The following GABRB3 variants were observed in gnomAD, a reference collection of about 807,000 sequenced individuals.
The protein encoded by GABRB3 is gamma-aminobutyric acid type A receptor subunit beta3, also known as gamma-aminobutyric acid receptor subunit beta-3.
GABRB3 carries 14 observed loss-of-function variants against 52.1 expected under a neutral mutation model. The observed-to-expected ratio is 0.27, with a 90% CI of 0.18 to 0.42. The LOEUF is 0.42. Among genes scored for constraint, GABRB3 ranks in the 10% least tolerant of loss-of-function variants. The pLI, the probability that GABRB3 is intolerant of heterozygous loss-of-function variation, is 1.00. For synonymous variants in GABRB3, 260 were observed against 232.3 expected (o/e 1.12, Z -1.08); for missense variants, 307 against 609.1 (o/e 0.50, Z 5.22).
chr15:26,647,297 G>A (rs1334435216), intron 3 of GABRB3, among the ~76,000 whole-genome samples: 2 of 152,218 alleles, frequency 1.3e-5, no homozygotes, highest in African/African-American at 2.4e-5. Context: ...ATTCCTGGCT[G>A]TGAATTGTTT....
rs1555400757 is a variant in GABRB3 at position 26,554,021 on chromosome 15, T to TATATATATA, written c.1081-5888_1081-5887insTATATATAT. 2.5e-4 allele frequency among the ~76,000 whole-genome samples: 6 copies of TATATATATA among 23,666 alleles called. 1 individual carries two copies. Among genetic ancestry groups the TATATATATA allele is most frequent in the African/African-American group, 9.1e-4 (5 of 5,474 alleles). 15.5% of individuals were successfully genotyped at this position (23,666 alleles called of 152,430 possible). ...TCCCGAGTAGCTGACACCTGACTATTTATATATATATATATTTATTTATTT... is the reference window on the plus strand; with the variant it reads ...TCCCGAGTAGCTGACACCTGACTATTATATATATATATATATATATATATTTATTTATTT... On this transcript the variant is annotated intron_variant, in intron 8 of 8. Transcript: ENST00000311550.
chr15:26,547,731 AC>A lies in GABRB3; in HGVS notation c.*61del. 1 of 1,367,318 alleles carries A rather than the reference AC, an allele frequency of 7.3e-7. No individual in the cohort carries two copies. The highest frequency in any genetic ancestry group is 1.0e-6 in the Non-Finnish European group (1 of 959,112). The allele number at this position is 1,367,318 out of a possible 1,614,324, so 84.7% of individuals were successfully genotyped here. The stretch of plus-strand genomic sequence containing the variant: ...GTGTGTGTACAGGTATAAAAACTTG[AC>A]AGGCAGAGTAATATTTCACTCAGTG... On this transcript the variant is annotated 3_prime_UTR_variant, in exon 9 of 9. Transcript: ENST00000311550.
intron 3 of GABRB3, among the ~76,000 whole-genome samples, chr15:26,702,027 G>A (rs918902640): frequency 2.0e-5 from 3 of 152,108 alleles, no homozygotes; most frequent in African/African-American, 7.2e-5. Context: ...TATATCCATA[G>A]GCGAAAACAT....
At chr15:26,642,186 C>A (rs1288366530) in intron 3 of GABRB3, among the ~76,000 whole-genome samples, 3 of 152,208 alleles carry the variant, frequency 2.0e-5, no homozygotes, top group Non-Finnish European at 4.4e-5. Context: ...AGCCACCAAG[C>A]CTTCCCCCCA....
At chr15:26,571,340 G>A (rs1216189381) in intron 6 of GABRB3, among the ~76,000 whole-genome samples, 3 of 152,150 alleles carry the variant, frequency 2.0e-5, no homozygotes, top group Non-Finnish European at 4.4e-5. Context: ...AGCTCCCTCT[G>A]TCTGCAACAC....
At chr15:26,599,039 A>G (rs1802024986) in intron 4 of GABRB3, among the ~76,000 whole-genome samples, 1 of 152,096 alleles carries the variant, frequency 6.6e-6, no homozygotes, top group Non-Finnish European at 1.5e-5. Flanking sequence ...GAAGTGTGGA[A>G]GCTAGACCAG....
chr15:26,631,119 C>G (rs1402633805), intron 3 of GABRB3, among the ~76,000 whole-genome samples: 4 of 152,168 alleles, frequency 2.6e-5, no homozygotes, highest in African/African-American at 9.7e-5. Context: ...GTGCCGGGAG[C>G]AGGCATTCTG....
At chr15:26,710,696 A>C (rs1265637097) in intron 3 of GABRB3, among the ~76,000 whole-genome samples, 1 of 152,232 alleles carries the variant, frequency 6.6e-6, no homozygotes, top group Non-Finnish European at 1.5e-5. Context: ...CAATTTCTCC[A>C]AATGCTTCCT....
chr15:26,553,052 T>TA (rs1889539702), intron 8 of GABRB3, among the ~76,000 whole-genome samples: 1 of 152,170 alleles, frequency 6.6e-6, no homozygotes, highest in Admixed American at 6.5e-5. Flanking sequence ...TCCAGCATCT[T>TA]AAACAGTTCT....
chr15:26,702,440 A>T (rs1888967283), intron 3 of GABRB3, among the ~76,000 whole-genome samples: 1 of 152,236 alleles, frequency 6.6e-6, no homozygotes, highest in African/African-American at 2.4e-5. Context: ...TGCCTAAGAA[A>T]ATATTCAGCA....
At position 26,584,955 on chromosome 15, in the gene GABRB3, C is replaced by A. The variant is rs959767596; in HGVS notation, c.462-1541G>T. Among the ~76,000 whole-genome samples, 4 of 152,118 alleles carry A rather than the reference C, an allele frequency of 2.6e-5. No individual in the cohort carries two copies. In the South Asian group the frequency reaches 8.3e-4, roughly 31 times the overall value. ...CTCTCTTCCATAGGAATGAATTGAACAGTAAAGATAAGAGTGGAAGTGCAT... is the reference window on the plus strand; with the variant it reads ...CTCTCTTCCATAGGAATGAATTGAAAAGTAAAGATAAGAGTGGAAGTGCAT... On this transcript the variant is annotated intron_variant, in intron 4 of 8. Transcript: ENST00000311550.
chr15:26,711,426 C>T (rs145806763), intron 3 of GABRB3, among the ~76,000 whole-genome samples: 14 of 151,550 alleles, frequency 9.2e-5, no homozygotes, highest in African/African-American at 2.2e-4. Flanking sequence ...ATTACAGCTT[C>T]GTGACGGATG....
At chr15:26,584,874 T>C (rs1030452848) in intron 4 of GABRB3, among the ~76,000 whole-genome samples, 1 of 152,052 alleles carries the variant, frequency 6.6e-6, no homozygotes, top group Non-Finnish European at 1.5e-5. Flanking sequence ...AAGCCATTAG[T>C]GGGTGAGAGA....
At chr15:26,632,037 G>C (rs1892925435) in intron 3 of GABRB3, among the ~76,000 whole-genome samples, 1 of 152,202 alleles carries the variant, frequency 6.6e-6, no homozygotes, top group South Asian at 2.1e-4. Context: ...AGCAGCTTTG[G>C]AAGCGAACGT....
rs1010536342 is a variant in GABRB3, at chr15:26,628,325, C to T, written c.241-6791G>A. On this transcript the variant is annotated intron_variant, in intron 3 of 8. Transcript: ENST00000311550. Reference sequence around the variant, plus strand: ...CAGCAAATGTTTATTGAGTGCTTACCGCCTGCTAGGCAACTTGGGGGAGGC... The same window carrying T: ...CAGCAAATGTTTATTGAGTGCTTACTGCCTGCTAGGCAACTTGGGGGAGGC... Among the ~76,000 whole-genome samples, 13 of 152,178 alleles carry T rather than the reference C, an allele frequency of 8.5e-5. No individual in the cohort carries two copies. In the East Asian group the frequency reaches 9.6e-4, roughly 11 times the overall value.
Position 26,773,007 on chromosome 15 carries a change from G to T in GABRB3, c.-45C>A, listed in dbSNP as rs1305024081. ...ACGGGGGAGGGGGCGCCCCGCCGCC[G>T]TCGCGACCCGCAGCCGGGGCTGCTC... On this transcript the variant is annotated 5_prime_UTR_variant, in exon 1 of 9. Coordinates refer to ENST00000311550, the MANE Select transcript of GABRB3 (RefSeq NM_000814.6). 3 of 1,307,800 alleles carry T rather than the reference G, an allele frequency of 2.3e-6. No homozygotes were observed. The highest frequency in any genetic ancestry group is 2.9e-5 in the Admixed American group (1 of 34,330). The allele number at this position is 1,307,800 out of a possible 1,614,324, so 81.0% of individuals were successfully genotyped here. A position where few individuals can be genotyped will look rare whatever the true frequency, so the allele number is the denominator to read the frequency against.
chr15:26,616,087 T>C (rs1892246744), intron 4 of GABRB3: 1 of 1,288,824 alleles, frequency 7.8e-7, no homozygotes, highest in African/African-American at 1.5e-5. Context: ...TGCAATGCAT[T>C]GTTGGGTTAC....
upstream of GABRB3, chr15:26,773,686 C>T (rs1428405417): frequency 6.3e-7 from 1 of 1,576,032 alleles, no homozygotes; most frequent in Non-Finnish European, 8.6e-7. Context: ...TCCAGGAGAG[C>T]CAGATGGGCA....
At chr15:26,629,808 C>T (rs548947575) in intron 3 of GABRB3, among the ~76,000 whole-genome samples, 1 of 152,152 alleles carries the variant, frequency 6.6e-6, no homozygotes, top group African/African-American at 2.4e-5. Context: ...TATAAAATAT[C>T]CCTCCTGTAA....
Sources: gnomAD v4.1 joint callset for allele counts (sites outside exome capture counted in the v4.1 genomes callset) on GRCh38, gnomAD v4.1.1 for gene constraint, MANE v1.5 for transcripts, NCBI Gene and HGNC (gene_info 2026-07-23, HGNC 2026-07-21) for gene names.